FARS2: variants seen among roughly 807,000 people sequenced by gnomAD.
FARS2 encodes phenylalanine--tRNA ligase, mitochondrial.
Under a neutral mutation model 46.4 loss-of-function variants are expected in FARS2, and 40 were observed. That is an observed-to-expected ratio of 0.86 (90% CI 0.67 to 1.12). The LOEUF (loss-of-function observed/expected upper bound fraction) is 1.12, where lower values mean the gene tolerates loss of function less well. Among genes scored for constraint, FARS2 ranks in the 50% most tolerant of loss-of-function variants. The pLI, the probability that FARS2 is intolerant of heterozygous loss-of-function variation, is 0.00. For missense variants in FARS2, 513 were observed against 567.9 expected, an observed-to-expected ratio of 0.90 and a Z score of 0.98; for synonymous variants, 234 against 214.9, an observed-to-expected ratio of 1.09 and a Z score of -0.78.
At chr6:5,436,680 T>G (rs1763538836) in intron 4 of FARS2, among the ~76,000 whole-genome samples, 1 of 152,222 alleles carries the variant, frequency 6.6e-6, no homozygotes, top group African/African-American at 2.4e-5. Context: ...AGATGGTCTT[T>G]GAATTGGGCC....
intron 6 of FARS2, among the ~76,000 whole-genome samples, chr6:5,748,953 G>T (rs773191861): frequency 2.0e-5 from 3 of 152,352 alleles, no homozygotes; most frequent in South Asian, 2.1e-4. Context: ...GGAATCAGGC[G>T]AAGATCAAAT....
At chr6:5,428,541 C>T (rs1762975967) in intron 3 of FARS2, among the ~76,000 whole-genome samples, 2 of 152,136 alleles carry the variant, frequency 1.3e-5, no homozygotes, top group Non-Finnish European at 2.9e-5. Flanking sequence ...ATGTTTTCCG[C>T]TTACGTGCCA....
chr6:5,392,145 C>T (rs2432793), intron 2 of FARS2, among the ~76,000 whole-genome samples: 70,411 of 152,056 alleles, frequency 0.46, 18,529 homozygotes, highest in African/African-American at 0.72. Flanking sequence ...TGGTCCTGGA[C>T]TGATGTCTAA....
At chr6:5,481,172 G>C (rs1047727423) in intron 4 of FARS2, among the ~76,000 whole-genome samples, 2 of 152,214 alleles carry the variant, frequency 1.3e-5, no homozygotes, top group Admixed American at 1.3e-4. Flanking sequence ...TTCTCGTCTC[G>C]GTTCAGAACG....
At position 5,502,757 on chromosome 6, in the gene FARS2, C is replaced by T. The variant is rs1366482827; in HGVS notation, c.905-42423C>T. On this transcript the variant is annotated intron_variant, in intron 4 of 6. Transcript: ENST00000274680. ...TTTCTGGAGTTCAGGTTTTCTCGCA[C>T]ACATGTAAAAATGTAGGTATAGCTT... is the stretch of plus-strand genomic sequence containing the variant. Among the ~76,000 whole-genome samples the T allele has an allele frequency of 2.6e-5, 4 of 152,174 alleles. No homozygotes were observed. The East Asian group carries it at 7.7e-4, about 29-fold the overall frequency.
intron 1 of FARS2, among the ~76,000 whole-genome samples, chr6:5,273,125 C>T (rs1162103244): frequency 1.3e-5 from 2 of 152,178 alleles, no homozygotes; most frequent in Admixed American, 1.3e-4. Context: ...CATGGGAGTG[C>T]TGATTACAAT....
chr6:5,284,077 C>G (rs978109517), intron 1 of FARS2, among the ~76,000 whole-genome samples: 1 of 152,226 alleles, frequency 6.6e-6, no homozygotes, highest in Non-Finnish European at 1.5e-5. Context: ...ACAATTTGAT[C>G]TTTCCCAAAC....
At chr6:5,631,882 A>G (rs1029976593) in intron 6 of FARS2, among the ~76,000 whole-genome samples, 1 of 152,212 alleles carries the variant, frequency 6.6e-6, no homozygotes, top group African/African-American at 2.4e-5. Flanking sequence ...AATTTGTTTA[A>G]TTAAAATTAC....
intron 1 of FARS2, among the ~76,000 whole-genome samples, chr6:5,288,105 G>A (rs1767252207): frequency 6.6e-6 from 1 of 152,006 alleles, no homozygotes; most frequent in Non-Finnish European, 1.5e-5. Context: ...TTCCCATGTT[G>A]CTCGTTGGCA....
rs143440734 is a variant in FARS2 at position 5,753,947 on chromosome 6, G to A, written c.1218-17344G>A. ...TACATAGTGTCTAACACATGGCACC[G>A]AAATTTTAGTTAACATCAGTGCTCT... On this transcript the variant is annotated intron_variant, in intron 6 of 6. Coordinates refer to ENST00000274680, the MANE Select transcript of FARS2 (RefSeq NM_006567.5). Among the ~76,000 whole-genome samples the A allele has an allele frequency of 6.4e-3, 977 of 152,306 alleles. 14 individuals are homozygous for A. Among genetic ancestry groups the A allele is most frequent in the African/African-American group, 0.022 (925 of 41,556 alleles).
At position 5,286,295 on chromosome 6, in the gene FARS2, C is replaced by G. The variant is rs370860124; in HGVS notation, c.-22+24635C>G. Among the ~76,000 whole-genome samples the G allele has an allele frequency of 6.6e-5, 10 of 152,244 alleles. No homozygotes were observed. In the South Asian group the frequency reaches 1.5e-3, roughly 22 times the overall value. ...ACTTTTTTTTGGAGACAGAGTCTCA[C>G]TTTGTCACCCAGGCTGGAGTGCAGG... On this transcript the variant is annotated intron_variant, in intron 1 of 6. Transcript: ENST00000274680.
chr6:5,477,971 G>A (rs1418599019), intron 4 of FARS2, among the ~76,000 whole-genome samples: 1 of 152,180 alleles, frequency 6.6e-6, no homozygotes, highest in African/African-American at 2.4e-5. Context: ...AGTGAGCCAT[G>A]ATTGCACCAC....
chr6:5,527,514 A>G (rs1040664288), intron 4 of FARS2, among the ~76,000 whole-genome samples: 1 of 152,126 alleles, frequency 6.6e-6, no homozygotes. Flanking sequence ...AACACTCACA[A>G]CTCTGTACAA....
chr6:5,519,987 A>G (rs1044228133), intron 4 of FARS2, among the ~76,000 whole-genome samples: 1 of 152,198 alleles, frequency 6.6e-6, no homozygotes, highest in African/African-American at 2.4e-5. Flanking sequence ...ACTTTGCTTC[A>G]TGTCAAATAG....
At chr6:5,736,668 A>ATT (rs1019896692) in intron 6 of FARS2, among the ~76,000 whole-genome samples, 1 of 150,444 alleles carries the variant, frequency 6.6e-6, no homozygotes, top group African/African-American at 2.4e-5. Context: ...ACCTTAAGGG[A>ATT]TTTTTTTTTT....
chr6:5,341,235 A>ATATATATATT (rs1561970178), intron 1 of FARS2, among the ~76,000 whole-genome samples: 1 of 10,270 alleles, frequency 9.7e-5, no homozygotes, highest in Non-Finnish European at 2.0e-4. Flanking sequence ...ATATATATAT[A>ATATATATATT]TTTTTTTTTT....
intron 1 of FARS2, among the ~76,000 whole-genome samples, chr6:5,359,326 G>A (rs1581877306): frequency 6.6e-6 from 1 of 152,178 alleles, no homozygotes; most frequent in Middle Eastern, 3.4e-3. Flanking sequence ...CAGGCATGAG[G>A]CATTGCTCCC....
At chr6:5,282,862 T>C (rs1410694999) in intron 1 of FARS2, among the ~76,000 whole-genome samples, 2 of 152,194 alleles carry the variant, frequency 1.3e-5, no homozygotes, top group African/African-American at 4.8e-5. Context: ...GGCAGAGATA[T>C]TGTCCAGACA....
At chr6:5,537,889 A>G (rs1278678760) in intron 4 of FARS2, among the ~76,000 whole-genome samples, 3 of 151,182 alleles carry the variant, frequency 2.0e-5, no homozygotes, top group African/African-American at 4.9e-5. Context: ...CTTTTTTTTT[A>G]AAGTTTCCCT....
Sources: gnomAD v4.1 joint callset for allele counts (sites outside exome capture counted in the v4.1 genomes callset) on GRCh38, gnomAD v4.1.1 for gene constraint, MANE v1.5 for transcripts, NCBI Gene and HGNC (gene_info 2026-07-23, HGNC 2026-07-21) for gene names.